The following RGS12 variants were observed in gnomAD, a reference collection of about 807,000 sequenced individuals.
RGS12 encodes regulator of G-protein signaling 12.
Under a neutral mutation model 120.1 loss-of-function variants are expected in RGS12, and 66 were observed. The ratio of observed to expected loss-of-function variants is 0.55; its 90% CI spans 0.45 to 0.67. The LOEUF (loss-of-function observed/expected upper bound fraction) is 0.67, where lower values mean the gene tolerates loss of function less well. Ranked by LOEUF, RGS12 falls within the 30% of genes least tolerant of loss-of-function variation. RGS12 has a pLI of 0.00. For missense variants in RGS12, 1,859 were observed against 1,957.7 expected, an observed-to-expected ratio of 0.95 and a Z score of 0.95; for synonymous variants, 827 against 804.7, an observed-to-expected ratio of 1.03 and a Z score of -0.47.
At chr4:3,311,996 G>A (rs751532362) in intron 1 of RGS12, among the ~76,000 whole-genome samples, 2 of 152,208 alleles carry the variant, frequency 1.3e-5, no homozygotes, top group Non-Finnish European at 2.9e-5. Context: ...AAGAGGCTGG[G>A]TTAAATGATC....
intron 16 of RGS12, 102 bp from the exon 17 acceptor site, chr4:3,430,305 G>A: frequency 9.4e-7 from 1 of 1,067,600 alleles, no homozygotes; most frequent in Non-Finnish European, 1.4e-6. Context: ...CTGATAGGGT[G>A]TTAGGACAGC....
At chr4:3,413,792 A>G (rs1560160037) in intron 4 of RGS12, 2 of 407,312 alleles carry the variant, frequency 4.9e-6, no homozygotes, top group Admixed American at 3.8e-5. Flanking sequence ...TGTGCGTGCA[A>G]GGGTGCTGTG....
At chr4:3,423,777 G>A (rs1723298334) in intron 13 of RGS12, 136 bp downstream of exon 13, 2 of 1,129,622 alleles carry the variant, frequency 1.8e-6, no homozygotes, top group African/African-American at 3.1e-5. Flanking sequence ...CCTTGGAGGA[G>A]AGGAGACAGC....
At position 3,422,896 on chromosome 4, in the gene RGS12, G is replaced by C; in HGVS notation, c.3034-9G>C. ...TGCCCACGTTGATTCTGGTCTCTCT[G>C]TTCCTCAGCCTCTGGTGCTGCACCA... On this transcript the variant is annotated splice_polypyrimidine_tract_variant and intron_variant, in intron 11 of 17. Transcript: ENST00000336727. 6.2e-7 allele frequency: 1 copy of C among 1,612,838 alleles called. No individual in the cohort carries two copies. The highest frequency in any genetic ancestry group is 8.5e-7 in the Non-Finnish European group (1 of 1,179,648).
At chr4:3,434,635 C>T (rs1211003417) in intron 17 of RGS12, among the ~76,000 whole-genome samples, 2 of 152,202 alleles carry the variant, frequency 1.3e-5, no homozygotes, top group African/African-American at 2.4e-5. Flanking sequence ...CAGACGTCTG[C>T]GCTTTGTGTT....
chr4:3,309,076 CTCGGGAATGGCAGGTG>C, intron 1 of RGS12, among the ~76,000 whole-genome samples: 2 of 123,358 alleles, frequency 1.6e-5, no homozygotes, highest in Admixed American at 1.6e-4. Flanking sequence ...GGAGCTGGGA[CTCGGGAATGGCAGGTG>C]TCTGCTGAGG....
intron 3 of RGS12, 185 bp from the exon 4 acceptor site, chr4:3,386,231 G>T: frequency 1.6e-6 from 1 of 627,444 alleles, no homozygotes; most frequent in Non-Finnish European, 2.9e-6. Flanking sequence ...ACCTAGTTTG[G>T]GCGGAGTGGG....
intron 3 of RGS12, among the ~76,000 whole-genome samples, chr4:3,362,935 A>G (rs1197671220): frequency 2.4e-5 from 3 of 123,354 alleles, no homozygotes; most frequent in African/African-American, 9.6e-5. Flanking sequence ...TGGAACGCGA[A>G]GGGGTGTGTG....
chr4:3,430,555 C>T lies in RGS12; in HGVS notation c.3714C>T (p.Ala1238=), dbSNP rs1341971180. ...CCCTCCCCACTCCAGCTGCTGTGGC[C>T]AAGGGCTTTAGCAAGAGAAGCGCCA... is the stretch of plus-strand genomic sequence containing the variant. ...ELTLPTPAAV[A]KGFSKRSATG... Residue 1238 remains alanine (A), a synonymous_variant, in exon 17 of 18, where the codon GCC becomes GCT. Transcript: ENST00000336727. The T allele has an allele frequency of 6.2e-7, 1 of 1,613,202 alleles. No individual in the cohort carries two copies. The highest frequency in any genetic ancestry group is 8.5e-7 in the Non-Finnish European group (1 of 1,180,014).
chr4:3,423,892 A>G, intron 13 of RGS12: 1 of 431,586 alleles, frequency 2.3e-6, no homozygotes, highest in South Asian at 2.7e-5. Flanking sequence ...GTTTTGCTCC[A>G]GGGAGGCCAA....
intron 6 of RGS12, among the ~76,000 whole-genome samples, chr4:3,415,566 GC>G (rs1425636058): frequency 6.6e-6 from 1 of 152,178 alleles, no homozygotes; most frequent in Non-Finnish European, 1.5e-5. Context: ...AGACGCCTTG[GC>G]CTGGCCCGGC....
At chr4:3,387,024 C>A (rs1307196894) in intron 4 of RGS12, among the ~76,000 whole-genome samples, 2 of 152,222 alleles carry the variant, frequency 1.3e-5, no homozygotes. Flanking sequence ...TCATCCTTAT[C>A]ATTTTGGTTC....
chr4:3,302,416 C>G (rs893535537), intron 1 of RGS12, among the ~76,000 whole-genome samples: 2 of 152,250 alleles, frequency 1.3e-5, no homozygotes, highest in African/African-American at 4.8e-5. Flanking sequence ...CCGCTCTTGT[C>G]TGAGTGTCTT....
chr4:3,361,129 G>A (rs1715514352), intron 3 of RGS12, among the ~76,000 whole-genome samples: 2 of 152,180 alleles, frequency 1.3e-5, no homozygotes, highest in African/African-American at 4.8e-5. Flanking sequence ...TAATAACATG[G>A]ATAAACATCA....
intron 3 of RGS12, among the ~76,000 whole-genome samples, chr4:3,356,875 C>T (rs955517796): frequency 4.6e-5 from 7 of 152,086 alleles, no homozygotes; most frequent in African/African-American, 1.4e-4. Context: ...AATACCTGTT[C>T]GAGTTCCTGC....
chr4:3,410,462 A>T (rs1196321504), intron 4 of RGS12, among the ~76,000 whole-genome samples: 1 of 144,552 alleles, frequency 6.9e-6, no homozygotes, highest in African/African-American at 2.5e-5. Context: ...AGGGCGTGCC[A>T]TTGTGTATTC....
intron 4 of RGS12, among the ~76,000 whole-genome samples, chr4:3,400,100 C>G (rs1207507272): frequency 6.6e-6 from 1 of 152,176 alleles, no homozygotes; most frequent in African/African-American, 2.4e-5. Context: ...TTAATATTGT[C>G]TTTACACAGG....
At chr4:3,368,191 C>T (rs1041404121) in intron 3 of RGS12, among the ~76,000 whole-genome samples, 1 of 152,202 alleles carries the variant, frequency 6.6e-6, no homozygotes, top group African/African-American at 2.4e-5. Context: ...CTCCAAAGCT[C>T]TGTAAACTGT....
rs1560660774 is a variant in RGS12, at chr4:3,320,631, G to A, written c.1881+2580G>A. 2.0e-5 allele frequency among the ~76,000 whole-genome samples: 3 copies of A among 152,286 alleles called. No individual in the cohort carries two copies. The South Asian group carries it at 6.2e-4, about 32-fold the overall frequency. ...TATCTAAAAATAAACAGGTAGTAAC[G>A]TGTTGTGTTTTATGGGTTCCTGCTG... On this transcript the variant is annotated intron_variant, in intron 2 of 17. Transcript: ENST00000336727.
Sources: gnomAD v4.1 joint callset for allele counts (sites outside exome capture counted in the v4.1 genomes callset) on GRCh38, gnomAD v4.1.1 for gene constraint, MANE v1.5 for transcripts, NCBI Gene and HGNC (gene_info 2026-07-23, HGNC 2026-07-21) for gene names.